Variants in LRP1B observed in about 807,000 individuals in gnomAD.
LRP1B encodes LDL receptor related protein 1B, also known as low-density lipoprotein receptor-related protein 1B.
In LRP1B, 217 loss-of-function variants were observed where a neutral mutation model predicts 556.6. That is an observed-to-expected ratio of 0.39 (90% CI 0.35 to 0.44). The LOEUF is 0.44. Ranked by LOEUF, LRP1B falls within the 20% of genes least tolerant of loss-of-function variation. The pLI is 1.00. For missense variants in LRP1B, 5,053 were observed against 5,620.8 expected (o/e 0.90, Z 3.23); for synonymous variants, 2,047 against 1,865.8 (o/e 1.10, Z -2.50).
At chr2:140,617,416 T>C (rs1447806299) in intron 41 of LRP1B, among the ~76,000 whole-genome samples, 1 of 151,994 alleles carries the variant, frequency 6.6e-6, no homozygotes, top group African/African-American at 2.4e-5. Context: ...AGATCTATTA[T>C]GGAAATAAAA....
chr2:141,672,322 G>T (rs1368285616), intron 2 of LRP1B, among the ~76,000 whole-genome samples: 1 of 152,082 alleles, frequency 6.6e-6, no homozygotes, highest in African/African-American at 2.4e-5. Flanking sequence ...TTTTGATTTA[G>T]TGGGAGAGCT....
chr2:141,846,938 T>C (rs1007972536), intron 1 of LRP1B, among the ~76,000 whole-genome samples: 11 of 151,460 alleles, frequency 7.3e-5, no homozygotes, highest in African/African-American at 2.2e-4. Context: ...ACAAAGATGA[T>C]TGATGAACAT....
intron 83 of LRP1B, among the ~76,000 whole-genome samples, chr2:140,303,067 A>G (rs902914963): frequency 6.9e-5 from 10 of 145,386 alleles, no homozygotes; most frequent in African/African-American, 2.3e-4. Flanking sequence ...ATACACACAC[A>G]CATATATATC....
At chr2:141,023,361 A>G (rs979908700) in intron 11 of LRP1B, among the ~76,000 whole-genome samples, 3 of 151,860 alleles carry the variant, frequency 2.0e-5, no homozygotes, top group Non-Finnish European at 4.4e-5. Flanking sequence ...ATTACTTCCT[A>G]TAAGAGACAC....
At chr2:140,541,646 C>T (rs1452969662) in intron 44 of LRP1B, 133 bp downstream of exon 44, 3 of 689,862 alleles carry the variant, frequency 4.3e-6, no homozygotes, top group East Asian at 5.7e-5. Flanking sequence ...ACAAAATCCA[C>T]AGTCATAGTA....
At position 141,596,087 on chromosome 2, in the gene LRP1B, A is replaced by G. The variant is rs560676951; in HGVS notation, c.206-115554T>C. 3.9e-5 allele frequency among the ~76,000 whole-genome samples: 6 copies of G among 152,136 alleles called. No homozygotes were observed. In the South Asian group the frequency reaches 1.2e-3, roughly 32 times the overall value. Reference sequence around the variant, plus strand: ...TTTATGTGGACATTGATATTTGGATACCAACAGATATAGCGAACCATGGCA... The same window carrying G: ...TTTATGTGGACATTGATATTTGGATGCCAACAGATATAGCGAACCATGGCA... On this transcript the variant is annotated intron_variant, in intron 2 of 90. Transcript: ENST00000389484.
chr2:140,996,870 A>G (rs898483486), intron 15 of LRP1B, among the ~76,000 whole-genome samples: 1 of 152,020 alleles, frequency 6.6e-6, no homozygotes, highest in Non-Finnish European at 1.5e-5. Flanking sequence ...GAGTGAATAT[A>G]TAAAGACCTA....
chr2:141,444,462 T>C (rs1385169877), intron 3 of LRP1B, among the ~76,000 whole-genome samples: 1 of 152,236 alleles, frequency 6.6e-6, no homozygotes, highest in South Asian at 2.1e-4. Context: ...TCCAATACTA[T>C]GTAGAATAGG....
intron 7 of LRP1B, among the ~76,000 whole-genome samples, chr2:141,185,873 G>A (rs1248145514): frequency 6.6e-6 from 1 of 151,784 alleles, no homozygotes; most frequent in East Asian, 2.0e-4. Flanking sequence ...GAGGTCAGCA[G>A]TTTGAGACCA....
chr2:141,099,200 A>G (rs1700400155), intron 7 of LRP1B, among the ~76,000 whole-genome samples: 1 of 152,210 alleles, frequency 6.6e-6, no homozygotes, highest in Admixed American at 6.5e-5. Flanking sequence ...ATTGGCTTTC[A>G]GTAAATATTT....
intron 5 of LRP1B, among the ~76,000 whole-genome samples, chr2:141,229,748 A>C (rs1683388192): frequency 6.6e-6 from 1 of 152,164 alleles, no homozygotes. Context: ...TTTTTCTAGA[A>C]ATGATGATGG....
At chr2:141,124,821 T>C (rs1430891876) in intron 7 of LRP1B, among the ~76,000 whole-genome samples, 2 of 152,122 alleles carry the variant, frequency 1.3e-5, no homozygotes, top group Non-Finnish European at 2.9e-5. Flanking sequence ...TCAGTTCTTT[T>C]TTCTATTTTT....
chr2:140,789,822 G>T (rs1690048627), intron 32 of LRP1B, among the ~76,000 whole-genome samples: 1 of 151,070 alleles, frequency 6.6e-6, no homozygotes, highest in African/African-American at 2.4e-5. Flanking sequence ...AGTAGAGACG[G>T]GGTTTCACCG....
chr2:142,084,726 T>A (rs1404147570), intron 1 of LRP1B, among the ~76,000 whole-genome samples: 2 of 152,174 alleles, frequency 1.3e-5, no homozygotes, highest in Non-Finnish European at 2.9e-5. Context: ...AGTTACCTAA[T>A]TGGTCCCTTC....
intron 2 of LRP1B, among the ~76,000 whole-genome samples, chr2:141,646,225 T>C (rs1463951153): frequency 2.6e-5 from 4 of 152,208 alleles, no homozygotes; most frequent in African/African-American, 9.6e-5. Flanking sequence ...AAAAGAGAAT[T>C]CCATGTTTGT....
chr2:141,603,856 T>G (rs16846571), intron 2 of LRP1B, among the ~76,000 whole-genome samples: 17,601 of 152,166 alleles, frequency 0.12, 1,247 homozygotes, highest in South Asian at 0.25. Flanking sequence ...GATACTACTA[T>G]AATTAAAAAT....
In LRP1B at chr2:141,907,682, T is replaced by G. The variant is rs76659789; in HGVS notation, c.83-97281A>C. ...ATTCAGACGTCTTATCTAAGGAAAATGCAAACTTTAAAGGATCAGATAGTC... is the reference window on the plus strand; with the variant it reads ...ATTCAGACGTCTTATCTAAGGAAAAGGCAAACTTTAAAGGATCAGATAGTC... On this transcript the variant is annotated intron_variant, in intron 1 of 90. Coordinates refer to ENST00000389484, the MANE Select transcript of LRP1B (RefSeq NM_018557.3). Among the ~76,000 whole-genome samples, 20 of 151,974 alleles carry G rather than the reference T, an allele frequency of 1.3e-4. No homozygotes were observed. In the East Asian group the frequency reaches 3.9e-3, roughly 29 times the overall value.
At chr2:141,356,464 C>A (rs72979039) in intron 3 of LRP1B, among the ~76,000 whole-genome samples, 6,753 of 151,764 alleles carry the variant, frequency 0.044, 236 homozygotes, top group African/African-American at 0.082. Flanking sequence ...AAAAGTATGG[C>A]AAATACACAC....
intron 10 of LRP1B, among the ~76,000 whole-genome samples, chr2:141,051,637 C>T (rs1699038129): frequency 6.6e-6 from 1 of 152,014 alleles, no homozygotes; most frequent in East Asian, 1.9e-4. Context: ...GTGCCCCAAA[C>T]CCATTCTCCT....
Sources: gnomAD v4.1 joint callset for allele counts (sites outside exome capture counted in the v4.1 genomes callset) on GRCh38, gnomAD v4.1.1 for gene constraint, MANE v1.5 for transcripts, NCBI Gene and HGNC (gene_info 2026-07-23, HGNC 2026-07-21) for gene names.